MSRA: variants seen among roughly 807,000 people sequenced by gnomAD.
The protein encoded by MSRA is methionine sulfoxide reductase A, also known as mitochondrial peptide methionine sulfoxide reductase.
MSRA carries 54 observed loss-of-function variants against 31.3 expected under a neutral mutation model. That is an observed-to-expected ratio of 1.73 (90% CI 1.39 to 2.17). MSRA has a LOEUF of 2.17. Ranked by LOEUF, MSRA falls within the 30% of genes most tolerant of loss-of-function variation. The pLI, the probability that MSRA is intolerant of heterozygous loss-of-function variation, is 0.00. For missense variants in MSRA, 507 were observed against 300.9 expected (o/e 1.69, Z -5.07); for synonymous variants, 169 against 116.5 (o/e 1.45, Z -2.90).
At chr8:10,407,176 C>T (rs974620545) in intron 5 of MSRA, among the ~76,000 whole-genome samples, 1 of 152,216 alleles carries the variant, frequency 6.6e-6, no homozygotes, top group Admixed American at 6.5e-5. Context: ...CATGCCCAGC[C>T]TAGACTATGT....
chr8:10,241,631 A>T (rs1365365368), intron 2 of MSRA, among the ~76,000 whole-genome samples: 1 of 152,200 alleles, frequency 6.6e-6, no homozygotes, highest in Non-Finnish European at 1.5e-5. Context: ...TTAGAAGATC[A>T]CTATTTTGCA....
intron 5 of MSRA, among the ~76,000 whole-genome samples, chr8:10,345,979 C>A (rs1038885320): frequency 2.6e-5 from 4 of 152,220 alleles, no homozygotes; most frequent in African/African-American, 9.7e-5. Flanking sequence ...CCTACAGAAT[C>A]ATAGTTCAGC....
At chr8:10,099,454 TA>T (rs1353074829) in intron 1 of MSRA, among the ~76,000 whole-genome samples, 1 of 152,162 alleles carries the variant, frequency 6.6e-6, no homozygotes, top group Non-Finnish European at 1.5e-5. Context: ...TTGATGAATG[TA>T]GGTACCTTTT....
intron 1 of MSRA, among the ~76,000 whole-genome samples, chr8:10,107,728 G>A (rs529957403): frequency 1.6e-4 from 24 of 152,324 alleles, no homozygotes; most frequent in African/African-American, 5.3e-4. Flanking sequence ...CCTTCTGAGA[G>A]CTTGTTATGG....
At chr8:10,207,725 C>A (rs1809120234) in intron 1 of MSRA, 108 bp from the exon 2 acceptor site, 1 of 984,470 alleles carries the variant, frequency 1.0e-6, no homozygotes, top group Non-Finnish European at 1.5e-6. Flanking sequence ...AGCTTGGGTG[C>A]ATTTTTAACT....
At chr8:10,420,399 G>C (rs1027132500) in intron 5 of MSRA, among the ~76,000 whole-genome samples, 14 of 152,048 alleles carry the variant, frequency 9.2e-5, no homozygotes, top group Non-Finnish European at 1.8e-4. Context: ...TAAAAATATG[G>C]GGAGACTCTT....
intron 5 of MSRA, among the ~76,000 whole-genome samples, chr8:10,423,930 CATTA>C (rs764277127): frequency 1.9e-3 from 296 of 152,178 alleles, no homozygotes; most frequent in Non-Finnish European, 3.5e-3. Context: ...TTCATTCATT[CATTA>C]ATTGCACACA....
chr8:10,288,085 C>G (rs886468234), intron 3 of MSRA, among the ~76,000 whole-genome samples: 2 of 152,158 alleles, frequency 1.3e-5, no homozygotes, highest in African/African-American at 2.4e-5. Context: ...GAGCCCCATA[C>G]AAAAGTGAAA....
intron 5 of MSRA, among the ~76,000 whole-genome samples, chr8:10,342,755 G>A (rs932296103): frequency 1.3e-5 from 2 of 152,188 alleles, no homozygotes; most frequent in Admixed American, 6.5e-5. Flanking sequence ...TGGGTGCCAA[G>A]CTCAGTTAAT....
chr8:10,220,067 G>C (rs4075951), intron 2 of MSRA, among the ~76,000 whole-genome samples: 1 of 151,800 alleles, frequency 6.6e-6, no homozygotes, highest in Admixed American at 6.6e-5. Flanking sequence ...AGTGTGAACA[G>C]TGATGCAAGA....
rs1165015323 is a variant in MSRA at position 10,314,017 on chromosome 8, T to C, written c.437-5866T>C. Among the ~76,000 whole-genome samples the C allele has an allele frequency of 3.3e-5, 5 of 152,174 alleles. No individual in the cohort carries two copies. In the East Asian group the frequency reaches 5.8e-4, roughly 18 times the overall value. On this transcript the variant is annotated intron_variant, in intron 4 of 5. Transcript: ENST00000317173. ...TACACAAAAATCAATTCCAAGTAGATTGAATACATAAATGTCAAAGGCAAA... is the reference window on the plus strand; with the variant it reads ...TACACAAAAATCAATTCCAAGTAGACTGAATACATAAATGTCAAAGGCAAA...
intron 3 of MSRA, among the ~76,000 whole-genome samples, chr8:10,283,830 T>TACACACACACACAC (rs1170038638): frequency 6.1e-5 from 4 of 65,324 alleles, no homozygotes; most frequent in Non-Finnish European, 9.1e-5. Context: ...TATATATATA[T>TACACACACACACAC]ATATATACAC....
At chr8:10,120,984 T>C (rs1482981719) in intron 1 of MSRA, among the ~76,000 whole-genome samples, 3 of 152,180 alleles carry the variant, frequency 2.0e-5, no homozygotes, top group Non-Finnish European at 2.9e-5. Flanking sequence ...CAGTGAAATA[T>C]AGATGCAAAA....
At chr8:10,235,241 C>T (rs1460262911) in intron 2 of MSRA, among the ~76,000 whole-genome samples, 1 of 151,886 alleles carries the variant, frequency 6.6e-6, no homozygotes, top group Non-Finnish European at 1.5e-5. Context: ...GCAATCAAAT[C>T]GGAAATAAAA....
intron 3 of MSRA, among the ~76,000 whole-genome samples, chr8:10,283,802 CATATATATATATAT>C (rs375322603): frequency 0.18 from 8,354 of 46,242 alleles, 674 homozygotes; most frequent in Non-Finnish European, 0.22. Flanking sequence ...TATTCTATCT[CATATATATATATAT>C]ATATATATAT....
intron 5 of MSRA, among the ~76,000 whole-genome samples, chr8:10,416,444 G>A (rs781535019): frequency 2.6e-5 from 4 of 152,220 alleles, no homozygotes; most frequent in East Asian, 1.9e-4. Flanking sequence ...TGCTCCCAGC[G>A]TGGGTTTGTC....
Position 10,428,285 on chromosome 8 carries a change from G to A in MSRA, c.681G>A (p.Val227=). ...ACTGCGGCCTTGGGGGCACCGGCGT[G>A]TCCTGCCCAGTGGGTATTAAAAAAT... is the stretch of plus-strand genomic sequence containing the variant. ...NGYCGLGGTG[V]SCPVGIKK Residue 227 remains valine, a synonymous_variant, in exon 6 of 6, where the codon GTG becomes GTA. Coordinates refer to ENST00000317173, the MANE Select transcript of MSRA (RefSeq NM_012331.5). 1 of 1,613,702 alleles carries A rather than the reference G, an allele frequency of 6.2e-7. No individual in the cohort carries two copies. The highest frequency in any genetic ancestry group is 1.1e-5 in the South Asian group (1 of 90,956).
chr8:10,168,046 G>T (rs1486565969), intron 1 of MSRA, among the ~76,000 whole-genome samples: 1 of 152,102 alleles, frequency 6.6e-6, no homozygotes, highest in Admixed American at 6.5e-5. Context: ...CCAACAGTTT[G>T]GGTTGCAATC....
chr8:10,318,676 G>C (rs1801865044), intron 4 of MSRA, among the ~76,000 whole-genome samples: 1 of 152,172 alleles, frequency 6.6e-6, no homozygotes, highest in Non-Finnish European at 1.5e-5. Flanking sequence ...GTGATTCAAT[G>C]GGTAGACAAG....
Sources: allele counts gnomAD v4.1 joint callset (sites outside exome capture counted in the v4.1 genomes callset), GRCh38; gene constraint gnomAD v4.1.1; transcripts MANE v1.5; gene names NCBI Gene and HGNC (gene_info 2026-07-23, HGNC 2026-07-21).